Variants in BPNT2 observed in about 807,000 individuals in gnomAD.
The protein encoded by BPNT2 is Golgi-resident adenosine 3',5'-bisphosphate 3'-phosphatase.
In BPNT2, 11 loss-of-function variants were observed where a neutral mutation model predicts 29.3. The ratio of observed to expected loss-of-function variants is 0.38; its 90% CI spans 0.24 to 0.62. The LOEUF is 0.62. Among genes scored for constraint, BPNT2 ranks in the 20% least tolerant of loss-of-function variants. The probability of loss-of-function intolerance (pLI) is 0.62; values close to 1 mark genes in which losing one functional copy is unlikely to be tolerated. For missense variants in BPNT2, 459 were observed against 473.4 expected, an observed-to-expected ratio of 0.97 and a Z score of 0.28; for synonymous variants, 195 against 187.7, an observed-to-expected ratio of 1.04 and a Z score of -0.32.
intron 1 of BPNT2, among the ~76,000 whole-genome samples, chr8:56,983,609 G>A (rs1444601939): frequency 2.0e-5 from 3 of 152,094 alleles, no homozygotes; most frequent in Admixed American, 6.5e-5. Flanking sequence ...TAAAGGGAGG[G>A]GGAGAGGAGC....
chr8:56,983,517 G>T (rs920509065), intron 1 of BPNT2, among the ~76,000 whole-genome samples: 1 of 152,120 alleles, frequency 6.6e-6, no homozygotes, highest in Non-Finnish European at 1.5e-5. Context: ...GAAGGACCTC[G>T]CAGGCTGCAA....
intron 2 of BPNT2, 116 bp from the exon 3 acceptor site, chr8:56,978,261 A>G (rs1361921555): frequency 1.3e-6 from 1 of 756,072 alleles, no homozygotes; most frequent in Non-Finnish European, 2.3e-6. Flanking sequence ...ATATCTTTCC[A>G]AAACAACAAT....
Position 56,977,980 on chromosome 8 carries a change from C to A in BPNT2, c.646+70G>T. 3 of 979,552 alleles carry A rather than the reference C, an allele frequency of 3.1e-6. No homozygotes were observed. In the Admixed American group the frequency reaches 5.1e-5, roughly 17 times the overall value. 60.7% of individuals were successfully genotyped at this position (979,552 alleles called of 1,614,324 possible). On this transcript the variant is annotated intron_variant, in intron 3 of 4. Coordinates refer to ENST00000262644, the MANE Select transcript of BPNT2 (RefSeq NM_017813.5). ...ATAGGAGTGGATACAAATTTAGGTACATGACAGTAAATACTATAGACAAAC... is the reference window on the plus strand; with the variant it reads ...ATAGGAGTGGATACAAATTTAGGTAAATGACAGTAAATACTATAGACAAAC...
intron 3 of BPNT2, among the ~76,000 whole-genome samples, chr8:56,968,999 T>A (rs1218275010): frequency 6.6e-6 from 1 of 152,236 alleles, no homozygotes; most frequent in East Asian, 1.9e-4. Flanking sequence ...GAAAGGAGAC[T>A]GTCATGTGAA....
intron 2 of BPNT2, among the ~76,000 whole-genome samples, chr8:56,979,646 A>G (rs1806207265): frequency 6.6e-6 from 1 of 152,182 alleles, no homozygotes; most frequent in South Asian, 2.1e-4. Flanking sequence ...GAAATTAGCT[A>G]CCTGTGGGTA....
At chr8:56,974,200 A>G (rs971690968) in intron 3 of BPNT2, among the ~76,000 whole-genome samples, 2 of 152,196 alleles carry the variant, frequency 1.3e-5, no homozygotes, top group Admixed American at 6.5e-5. Flanking sequence ...TATGTTGTTA[A>G]GATTTTTGGT....
At chr8:56,965,662 A>G (rs1243438018) in intron 4 of BPNT2, among the ~76,000 whole-genome samples, 2 of 152,174 alleles carry the variant, frequency 1.3e-5, no homozygotes, top group African/African-American at 4.8e-5. Context: ...TTTCCAAAAA[A>G]CTAGGTTGAC....
rs1260821334 is a variant in BPNT2 at position 56,958,650 on chromosome 8, T to TC, written c.*5142dup. On this transcript the variant is annotated 3_prime_UTR_variant, in exon 5 of 5. Transcript: ENST00000262644. ...AGAGGCAAGAACATAGATTGAAAAC[T>TC]CCATTTCCTAGTTTTAGTGTAAACT... 1.3e-5 allele frequency: 2 copies of TC among 152,178 alleles called. No homozygotes were observed. Among genetic ancestry groups the TC allele is most frequent in the Non-Finnish European group, 2.9e-5 (2 of 68,026 alleles). The allele number at this position is 152,178 out of a possible 1,614,324, so 9.4% of individuals were successfully genotyped here.
At chr8:56,984,003 A>T (rs529939097) in intron 1 of BPNT2, among the ~76,000 whole-genome samples, 136 of 152,284 alleles carry the variant, frequency 8.9e-4, no homozygotes, top group Non-Finnish European at 4.4e-4. Flanking sequence ...AATGAAGATA[A>T]CAGTAACACC....
At chr8:56,976,780 G>A (rs774169918) in intron 3 of BPNT2, among the ~76,000 whole-genome samples, 6 of 151,992 alleles carry the variant, frequency 3.9e-5, no homozygotes, top group Non-Finnish European at 5.9e-5. Context: ...TATCAGTCAC[G>A]CCCTTAAGAC....
At position 56,961,846 on chromosome 8, in the gene BPNT2, A is replaced by T. The variant is rs1805843217; in HGVS notation, c.*1947T>A. On this transcript the variant is annotated 3_prime_UTR_variant, in exon 5 of 5. Transcript: ENST00000262644. ...CGAGAGTGAAACTCTGTCTCGAAAAAATAAAATAATTCCTGCTAATATGAA... is the reference window on the plus strand; with the variant it reads ...CGAGAGTGAAACTCTGTCTCGAAAATATAAAATAATTCCTGCTAATATGAA... The T allele has an allele frequency of 1.3e-5, 2 of 152,208 alleles. No homozygotes were observed. 9.4% of individuals were successfully genotyped at this position (152,208 alleles called of 1,614,324 possible).
chr8:56,965,643 T>A (rs955891240), intron 4 of BPNT2, among the ~76,000 whole-genome samples: 3 of 152,200 alleles, frequency 2.0e-5, no homozygotes, highest in Non-Finnish European at 4.4e-5. Context: ...AATTTTATTA[T>A]CGGTTTCTTT....
chr8:56,966,444 C>CA, intron 3 of BPNT2, 92 bp from the exon 4 acceptor site: 1 of 1,040,256 alleles, frequency 9.6e-7, no homozygotes, highest in South Asian at 1.3e-5. Flanking sequence ...GTATGACTGA[C>CA]AAAATAGCTC....
At chr8:56,966,505 TC>T (rs1805956473) in intron 3 of BPNT2, among the ~76,000 whole-genome samples, 153 bp from the exon 4 acceptor site, 1 of 152,224 alleles carries the variant, frequency 6.6e-6, no homozygotes, top group South Asian at 2.1e-4. Context: ...GCTTTTTTTT[TC>T]AGAGTACAAA....
intron 1 of BPNT2, among the ~76,000 whole-genome samples, chr8:56,981,419 G>T (rs955313038): frequency 6.6e-6 from 1 of 152,066 alleles, no homozygotes; most frequent in African/African-American, 2.4e-5. Flanking sequence ...ACAAAAATTA[G>T]CCAGGCATGG....
chr8:56,993,395 CG>C lies in BPNT2; in HGVS notation c.190del (p.Arg64AlafsTer18). On this transcript the variant is annotated frameshift_variant, in exon 1 of 5. Transcript: ENST00000262644. LOFTEE classifies it high-confidence loss of function. The stretch of plus-strand genomic sequence containing the variant: ...CAGCACTGACACAGCCAGCATCTCG[CG>C]CAAGTCCACGGTGCCCCCATCGGCC... ...AAADGGTVDL[R>X]EMLAVSVLAA... 1 of 1,607,386 alleles carries C rather than the reference CG, an allele frequency of 6.2e-7. No individual in the cohort carries two copies. The highest frequency in any genetic ancestry group is 8.5e-7 in the Non-Finnish European group (1 of 1,179,306).
intron 3 of BPNT2, among the ~76,000 whole-genome samples, chr8:56,973,219 A>G (rs2129204503): frequency 6.6e-6 from 1 of 152,192 alleles, no homozygotes; most frequent in East Asian, 1.9e-4. Flanking sequence ...CGAGAACCCC[A>G]TGAGTTCAAC....
chr8:56,980,819 TACACAC>T lies in BPNT2; in HGVS notation c.388-628_388-623del, dbSNP rs71258552. On this transcript the variant is annotated intron_variant, in intron 1 of 4. Coordinates refer to ENST00000262644, the MANE Select transcript of BPNT2 (RefSeq NM_017813.5). ...CCCCACACCCTTACATACATACATA[TACACAC>T]ACACACACACACACACACACACACA... is the stretch of plus-strand genomic sequence containing the variant. 2.0e-3 allele frequency among the ~76,000 whole-genome samples: 284 copies of T among 141,340 alleles called. 1 individual carries two copies. Among genetic ancestry groups the T allele is most frequent in the Middle Eastern group, 0.011 (3 of 278 alleles). The allele number at this position is 141,340 out of a possible 152,430, so 92.7% of individuals were successfully genotyped here.
In BPNT2 at chr8:56,959,729, T is replaced by C. The variant is rs991592980; in HGVS notation, c.*4064A>G. 2.6e-5 allele frequency: 4 copies of C among 152,330 alleles called. No individual in the cohort carries two copies. Among genetic ancestry groups the C allele is most frequent in the African/African-American group, 7.2e-5 (3 of 41,586 alleles). The allele number at this position is 152,330 out of a possible 1,614,324, so 9.4% of individuals were successfully genotyped here. ...GCCAGTTCTTATAAAAAACATACTT[T>C]AGTTGTAAATGCTAGGTTATGCAAA... On this transcript the variant is annotated 3_prime_UTR_variant, in exon 5 of 5. Transcript: ENST00000262644.
Sources: gnomAD v4.1 joint callset for allele counts (sites outside exome capture counted in the v4.1 genomes callset) on GRCh38, gnomAD v4.1.1 for gene constraint, MANE v1.5 for transcripts, NCBI Gene and HGNC (gene_info 2026-07-23, HGNC 2026-07-21) for gene names.